The following CCDC73 variants were observed in gnomAD, a reference collection of about 807,000 sequenced individuals.
CCDC73 encodes coiled-coil domain containing 73.
Under a neutral mutation model 116.5 loss-of-function variants are expected in CCDC73, and 95 were observed. That is an observed-to-expected ratio of 0.82 (90% CI 0.69 to 0.97). The LOEUF is 0.97. Ranked by LOEUF, CCDC73 falls within the 50% of genes least tolerant of loss-of-function variation. The pLI, the probability that CCDC73 is intolerant of heterozygous loss-of-function variation, is 0.00. For synonymous variants in CCDC73, 398 were observed against 401.3 expected (o/e 0.99, Z 0.10); for missense variants, 1,066 against 1,206.8 (o/e 0.88, Z 1.73).
At chr11:32,731,066 C>G (rs1850072761) in intron 2 of CCDC73, among the ~76,000 whole-genome samples, 1 of 152,230 alleles carries the variant, frequency 6.6e-6, no homozygotes, top group Non-Finnish European at 1.5e-5. Context: ...GATCAGGTCA[C>G]TCCCACCCTA....
At chr11:32,608,090 T>C (rs1019474902) in intron 17 of CCDC73, among the ~76,000 whole-genome samples, 6 of 152,134 alleles carry the variant, frequency 3.9e-5, no homozygotes, top group Non-Finnish European at 7.3e-5. Flanking sequence ...GTGAGACCAA[T>C]TGTAATTCAA....
At chr11:32,741,110 T>A (rs1020000438) in intron 2 of CCDC73, among the ~76,000 whole-genome samples, 2 of 152,176 alleles carry the variant, frequency 1.3e-5, no homozygotes, top group Non-Finnish European at 2.9e-5. Flanking sequence ...ACCTTGAGAA[T>A]GATCCATGTG....
chr11:32,759,573 C>A (rs1357661144), intron 2 of CCDC73, among the ~76,000 whole-genome samples: 1 of 152,134 alleles, frequency 6.6e-6, no homozygotes, highest in Non-Finnish European at 1.5e-5. Context: ...CTCAAGTGAT[C>A]CACCTGCCTC....
chr11:32,608,323 C>G (rs1308774984), intron 17 of CCDC73, among the ~76,000 whole-genome samples: 2 of 152,104 alleles, frequency 1.3e-5, no homozygotes, highest in Non-Finnish European at 2.9e-5. Flanking sequence ...TTCCTAGATA[C>G]AAGGAGGGGT....
At position 32,675,897 on chromosome 11, in the gene CCDC73, A is replaced by G; in HGVS notation, c.554T>C (p.Leu185Ser). 6.3e-7 allele frequency: 1 copy of G among 1,597,592 alleles called. No individual in the cohort carries two copies. Among genetic ancestry groups the G allele is most frequent in the Non-Finnish European group, 8.5e-7 (1 of 1,174,130 alleles). ...AAGATAGCACATACCATTTTGTTCTAACTTTTCATGATTCTCTTTTACCAA... is the reference window on the plus strand; with the variant it reads ...AAGATAGCACATACCATTTTGTTCTGACTTTTCATGATTCTCTTTTACCAA... ...FGLVKENHEK[L>S]EQNVREAIQS... Residue 185 changes from leucine (L) to serine (S), a missense_variant, in exon 8 of 18, where the codon TTA (leucine) becomes TCA (serine). Leu to Ser is a moderately radical substitution (Grantham distance 145). Transcript: ENST00000335185.
At chr11:32,616,998 A>G (rs1368231211) in intron 14 of CCDC73, among the ~76,000 whole-genome samples, 2 of 152,218 alleles carry the variant, frequency 1.3e-5, no homozygotes, top group Non-Finnish European at 2.9e-5. Flanking sequence ...AGATGGGGAT[A>G]AGGAGGCACT....
chr11:32,728,183 C>T (rs1850045395), intron 2 of CCDC73, among the ~76,000 whole-genome samples: 1 of 151,938 alleles, frequency 6.6e-6, no homozygotes, highest in Admixed American at 6.6e-5. Context: ...CCCAGGAGGT[C>T]AAGAATGCGG....
chr11:32,729,352 G>A (rs187029633), intron 2 of CCDC73, among the ~76,000 whole-genome samples: 55 of 152,248 alleles, frequency 3.6e-4, no homozygotes, highest in South Asian at 2.1e-3. Flanking sequence ...ACATGATCTC[G>A]TTCCTTTTTA....
At chr11:32,789,962 G>A (rs1257262807) in intron 1 of CCDC73, among the ~76,000 whole-genome samples, 1 of 152,106 alleles carries the variant, frequency 6.6e-6, no homozygotes, top group Non-Finnish European at 1.5e-5. Flanking sequence ...AATCTTAAAA[G>A]ACAAGACATT....
intron 2 of CCDC73, 94 bp downstream of exon 2, chr11:32,760,015 A>G: frequency 1.0e-6 from 1 of 985,124 alleles, no homozygotes. Context: ...TCTAAACAAG[A>G]GGGATTTTTT....
intron 9 of CCDC73, 126 bp from the exon 10 acceptor site, chr11:32,655,098 G>GTTTATTTTCCCTAC: frequency 2.9e-6 from 1 of 350,012 alleles, no homozygotes; most frequent in South Asian, 4.8e-5. Context: ...TCCCTTGCAA[G>GTTTATTTTCCCTAC]TTCCCTTGCA....
chr11:32,827,499 C>T, the CCDC73 span, among the ~76,000 whole-genome samples: 2 of 152,110 alleles, frequency 1.3e-5, no homozygotes, highest in African/African-American at 2.4e-5. Flanking sequence ...TTGTTTTGGT[C>T]CAAATATCCA....
At chr11:32,813,557 C>T in the CCDC73 span, among the ~76,000 whole-genome samples, 1 of 152,258 alleles carries the variant, frequency 6.6e-6, no homozygotes, top group Non-Finnish European at 1.5e-5. Context: ...TGTGCTTTGG[C>T]CTACATGAAG....
rs72910957 is a variant in CCDC73 at position 32,641,660 on chromosome 11, T to A, written c.1050+312A>T. ...ACTATGCAATGGTTTTATGAAAAAGTAAATTAATTTTTCTTTGTCACATGG... is the reference window on the plus strand; with the variant it reads ...ACTATGCAATGGTTTTATGAAAAAGAAAATTAATTTTTCTTTGTCACATGG... On this transcript the variant is annotated intron_variant, in intron 13 of 17. Coordinates refer to ENST00000335185, the MANE Select transcript of CCDC73 (RefSeq NM_001008391.4). Among the ~76,000 whole-genome samples the A allele has an allele frequency of 6.1e-4, 92 of 151,548 alleles. 1 individual carries two copies. The highest frequency in any genetic ancestry group is 1.1e-3 in the Non-Finnish European group (75 of 67,770).
chr11:32,692,011 G>A (rs773133228), intron 6 of CCDC73, among the ~76,000 whole-genome samples: 6 of 136,460 alleles, frequency 4.4e-5, no homozygotes, highest in Admixed American at 3.3e-4. Context: ...TAGCGCCACT[G>A]CACTCCAGCC....
At chr11:32,610,483 G>A (rs12421714) in intron 17 of CCDC73, among the ~76,000 whole-genome samples, 5,557 of 152,276 alleles carry the variant, frequency 0.036, 137 homozygotes, top group Non-Finnish European at 0.055. Flanking sequence ...ATATGCTAAA[G>A]AGAAAGTTGT....
chr11:32,770,562 G>A (rs1850484608), intron 1 of CCDC73, among the ~76,000 whole-genome samples: 1 of 152,180 alleles, frequency 6.6e-6, no homozygotes, highest in Admixed American at 6.5e-5. Context: ...CAATCACAAA[G>A]AGGGTGGCAG....
intron 9 of CCDC73, among the ~76,000 whole-genome samples, chr11:32,658,786 A>T (rs543760291): frequency 5.6e-4 from 85 of 152,304 alleles, no homozygotes; most frequent in South Asian, 2.9e-3. Flanking sequence ...TCTAAAAAAA[A>T]ATATAATAGA....
intron 15 of CCDC73, among the ~76,000 whole-genome samples, 158 bp from the exon 16 acceptor site, chr11:32,615,100 C>T (rs1243559235): frequency 6.6e-6 from 1 of 152,058 alleles, no homozygotes; most frequent in Non-Finnish European, 1.5e-5. Flanking sequence ...TACCTAAATA[C>T]TGGGTTCCCT....
Sources: gnomAD v4.1 joint callset for allele counts (sites outside exome capture counted in the v4.1 genomes callset) on GRCh38, gnomAD v4.1.1 for gene constraint, MANE v1.5 for transcripts, NCBI Gene and HGNC (gene_info 2026-07-23, HGNC 2026-07-21) for gene names.